The following TFDP2 variants were observed in gnomAD, a reference collection of about 807,000 sequenced individuals.
TFDP2 encodes the protein transcription factor Dp-2.
In TFDP2, 17 loss-of-function variants were observed where a neutral mutation model predicts 59.3. The observed-to-expected ratio is 0.29, with a 90% CI of 0.20 to 0.43. The LOEUF (loss-of-function observed/expected upper bound fraction) is 0.43, where lower values mean the gene tolerates loss of function less well. Ranked by LOEUF, TFDP2 falls within the 20% of genes least tolerant of loss-of-function variation. TFDP2 has a pLI of 1.00. For synonymous variants in TFDP2, 180 were observed against 194.7 expected (o/e 0.92, Z 0.63); for missense variants, 391 against 528.8 (o/e 0.74, Z 2.56).
intron 1 of TFDP2, among the ~76,000 whole-genome samples, chr3:142,105,059 AGTTAT>A (rs2061431388): frequency 6.6e-6 from 1 of 152,198 alleles, no homozygotes; most frequent in African/African-American, 2.4e-5. Flanking sequence ...AATGTTTCAG[AGTTAT>A]GTTAAGAGTT....
intron 3 of TFDP2, among the ~76,000 whole-genome samples, chr3:142,068,249 A>G (rs1318691949): frequency 6.6e-6 from 1 of 152,188 alleles, no homozygotes; most frequent in Non-Finnish European, 1.5e-5. Context: ...ATCTAGACAC[A>G]GATTCTTTAT....
At chr3:142,048,066 T>C (rs77117159) in intron 3 of TFDP2, among the ~76,000 whole-genome samples, 8,627 of 152,100 alleles carry the variant, frequency 0.057, 303 homozygotes, top group Middle Eastern at 0.11. Flanking sequence ...ATTAGACACT[T>C]TCAAACTGAA....
chr3:141,992,062 A>G (rs1453071632), intron 6 of TFDP2, among the ~76,000 whole-genome samples: 2 of 144,712 alleles, frequency 1.4e-5, no homozygotes, highest in East Asian at 4.1e-4. Flanking sequence ...AAAAAGAAAG[A>G]AAAGAAAGAA....
At chr3:142,124,573 C>T (rs916848188) in intron 1 of TFDP2, among the ~76,000 whole-genome samples, 1 of 152,014 alleles carries the variant, frequency 6.6e-6, no homozygotes, top group Admixed American at 6.6e-5. Context: ...TTTCAGATAG[C>T]CCATAGAATT....
intron 3 of TFDP2, among the ~76,000 whole-genome samples, chr3:142,041,914 C>G (rs1317896147): frequency 6.6e-6 from 1 of 152,166 alleles, no homozygotes; most frequent in East Asian, 1.9e-4. Flanking sequence ...GTTGAAAAAA[C>G]CCATTCTTCC....
At chr3:142,087,643 G>A (rs1279470402) in intron 3 of TFDP2, among the ~76,000 whole-genome samples, 1 of 151,584 alleles carries the variant, frequency 6.6e-6, no homozygotes, top group African/African-American at 2.4e-5. Flanking sequence ...TGGGACTACA[G>A]GTACACGCCA....
chr3:142,061,889 T>TCTACAC (rs754972681), intron 3 of TFDP2, among the ~76,000 whole-genome samples: 57 of 79,950 alleles, frequency 7.1e-4, no homozygotes, highest in Non-Finnish European at 8.3e-4. Flanking sequence ...TCTCTCTCTC[T>TCTACAC]ACACACACAC....
chr3:142,063,662 G>A (rs2059987622), intron 3 of TFDP2, among the ~76,000 whole-genome samples: 1 of 152,112 alleles, frequency 6.6e-6, no homozygotes, highest in Admixed American at 6.6e-5. Context: ...TAAAAACAGA[G>A]GGTTGAAAAA....
chr3:142,007,859 G>A (rs766122530), intron 3 of TFDP2, among the ~76,000 whole-genome samples: 67 of 152,128 alleles, frequency 4.4e-4, no homozygotes, highest in Non-Finnish European at 6.3e-4. Flanking sequence ...GCAGTGATGC[G>A]AGTGATGGGG....
rs570456202 is a variant in TFDP2 at position 142,051,779 on chromosome 3, T to C, written c.82+41282A>G. On this transcript the variant is annotated intron_variant, in intron 3 of 12. Coordinates refer to ENST00000489671, the MANE Select transcript of TFDP2 (RefSeq NM_001178139.2). ...TGTTGCTGGAATGATTGGATATTCA[T>C]ATGATACAAAAATAAACCTTTCCTC... Among the ~76,000 whole-genome samples, 11 of 152,344 alleles carry C rather than the reference T, an allele frequency of 7.2e-5. No individual in the cohort carries two copies. The South Asian group carries it at 2.3e-3, about 32-fold the overall frequency.
At chr3:142,055,314 TTGG>T (rs2059704081) in intron 3 of TFDP2, among the ~76,000 whole-genome samples, 1 of 152,030 alleles carries the variant, frequency 6.6e-6, no homozygotes, top group Non-Finnish European at 1.5e-5. Flanking sequence ...GAATCTACAA[TTGG>T]TGGAATTATA....
chr3:142,074,997 A>G (rs1317059415), intron 3 of TFDP2, among the ~76,000 whole-genome samples: 1 of 152,234 alleles, frequency 6.6e-6, no homozygotes, highest in East Asian at 1.9e-4. Context: ...TAATGCTACT[A>G]GAAAAACTAG....
intron 6 of TFDP2, among the ~76,000 whole-genome samples, chr3:141,980,294 A>C (rs922641795): frequency 6.6e-6 from 1 of 152,026 alleles, no homozygotes; most frequent in African/African-American, 2.4e-5. Context: ...AGCTTATGGA[A>C]TAAGGATATA....
chr3:141,979,379 A>C (rs1941185308), intron 6 of TFDP2, among the ~76,000 whole-genome samples: 1 of 152,228 alleles, frequency 6.6e-6, no homozygotes, highest in Non-Finnish European at 1.5e-5. Flanking sequence ...ATTACTTTAG[A>C]GCGTACTTCT....
intron 3 of TFDP2, among the ~76,000 whole-genome samples, chr3:142,055,487 A>G (rs1209559602): frequency 2.6e-5 from 4 of 152,200 alleles, no homozygotes; most frequent in Non-Finnish European, 5.9e-5. Flanking sequence ...AGCCCTTATG[A>G]AAGTGCATGA....
intron 3 of TFDP2, among the ~76,000 whole-genome samples, chr3:142,049,119 A>C (rs1947487275): frequency 6.6e-6 from 1 of 152,252 alleles, no homozygotes; most frequent in South Asian, 2.1e-4. Flanking sequence ...TAAGGTTAAA[A>C]GGTACTTCAG....
At chr3:142,078,506 T>C (rs2060538157) in intron 3 of TFDP2, among the ~76,000 whole-genome samples, 2 of 152,012 alleles carry the variant, frequency 1.3e-5, no homozygotes, top group South Asian at 2.1e-4. Context: ...ACCAGAAAAC[T>C]CTCCCAGTTC....
intron 1 of TFDP2, among the ~76,000 whole-genome samples, chr3:142,141,054 C>T (rs1206637508): frequency 1.3e-5 from 2 of 152,162 alleles, no homozygotes; most frequent in Admixed American, 1.3e-4. Flanking sequence ...GCTTTGTTTA[C>T]CTACTCAAGC....
At position 142,091,852 on chromosome 3, in the gene TFDP2, C is replaced by T. The variant is rs550734721; in HGVS notation, c.82+1209G>A. ...CCCTCCTATGAGAATCTAATGCTCA[C>T]TTGCTGGCCGCTCACCTTCTGCTAT... On this transcript the variant is annotated intron_variant, in intron 3 of 12. Transcript: ENST00000489671. Among the ~76,000 whole-genome samples, 15 of 152,270 alleles carry T rather than the reference C, an allele frequency of 9.9e-5. No individual in the cohort carries two copies. In the East Asian group the frequency reaches 2.9e-3, roughly 29 times the overall value.
Sources: allele counts gnomAD v4.1 joint callset (sites outside exome capture counted in the v4.1 genomes callset), GRCh38; gene constraint gnomAD v4.1.1; transcripts MANE v1.5; gene names NCBI Gene and HGNC (gene_info 2026-07-23, HGNC 2026-07-21).